The following SHC1 variants were observed in gnomAD, a reference collection of about 807,000 sequenced individuals.
The protein encoded by SHC1 is SHC adaptor protein 1.
Under a neutral mutation model 55.9 loss-of-function variants are expected in SHC1, and 30 were observed. That is an observed-to-expected ratio of 0.54 (90% CI 0.40 to 0.73). The LOEUF (loss-of-function observed/expected upper bound fraction) is 0.73, where lower values mean the gene tolerates loss of function less well. Among genes scored for constraint, SHC1 ranks in the 30% least tolerant of loss-of-function variants. The pLI, the probability that SHC1 is intolerant of heterozygous loss-of-function variation, is 0.00. For missense variants in SHC1, 675 were observed against 777.1 expected (o/e 0.87, Z 1.56); for synonymous variants, 309 against 306.1 (o/e 1.01, Z -0.10).
chr1:154,964,257 T>C (rs1268059360), intron 11 of SHC1: 1 of 483,100 alleles, frequency 2.1e-6, no homozygotes, highest in African/African-American at 2.0e-5. Context: ...ATGTGGAGGC[T>C]GGGCATGGTG....
At chr1:154,965,258 A>G in intron 11 of SHC1, 1 of 788,704 alleles carries the variant, frequency 1.3e-6, no homozygotes, top group Non-Finnish European at 1.8e-6. Flanking sequence ...GCTGGTCTCG[A>G]ACTCCTGACC....
chr1:154,971,955 A>G (rs1571458757), upstream of SHC1, among the ~76,000 whole-genome samples: 1 of 151,712 alleles, frequency 6.6e-6, no homozygotes, highest in Non-Finnish European at 1.5e-5. Flanking sequence ...AAAAACAAAG[A>G]TACGTATTCC....
upstream of SHC1, chr1:154,973,511 TA>T (rs56300199): frequency 0.59 from 57,015 of 96,136 alleles, 16,501 homozygotes; most frequent in East Asian, 0.9. Context: ...AACTCCGTCT[TA>T]AAAAAAAAAA....
At chr1:154,965,922 G>A (rs2102054875) in intron 10 of SHC1, 24 bp downstream of exon 10, 1 of 1,598,738 alleles carries the variant, frequency 6.3e-7, no homozygotes, top group Non-Finnish European at 8.5e-7. Context: ...TGGGGATGCA[G>A]AGAGGAGAGA....
chr1:154,969,076 C>T (rs987225135), intron 2 of SHC1, among the ~76,000 whole-genome samples: 1 of 152,134 alleles, frequency 6.6e-6, no homozygotes, highest in African/African-American at 2.4e-5. Flanking sequence ...CCAAATGTCC[C>T]ATTCCCTTCC....
upstream of SHC1, among the ~76,000 whole-genome samples, chr1:154,972,266 TC>T (rs140450851): frequency 0.013 from 1,999 of 151,336 alleles, 21 homozygotes; most frequent in South Asian, 0.019. Flanking sequence ...AAATACGTAT[TC>T]CCCCCAGCTC....
At position 154,970,034 on chromosome 1, in the gene SHC1, G is replaced by C; in HGVS notation, c.493C>G (p.Arg165Gly). 1.9e-6 allele frequency: 3 copies of C among 1,613,822 alleles called. No homozygotes were observed. Among genetic ancestry groups the C allele is most frequent in the Non-Finnish European group, 2.5e-6 (3 of 1,179,922 alleles). ...VMGPGVSYLV[R>G]YMGCVEVLQS... ...TGGAGAGGAGGATGTTCACTCACCC[G>C]AACCAAGTAGGAAACCCCGGGTCCC... The change falls in exon 1 of 12, where the codon CGG becomes GGG. Residue 165 changes from arginine (R) to glycine (G), a missense_variant and splice_region_variant. Transcript: ENST00000448116. This position sits in a 1 kb window ranked among gnomAD's most constrained non-coding sequence, Gnocchi z 5.5.
upstream of SHC1, among the ~76,000 whole-genome samples, chr1:154,971,407 A>G (rs2102176892): frequency 6.6e-6 from 1 of 152,330 alleles, no homozygotes; most frequent in South Asian, 2.1e-4. Context: ...CCTGGATGAT[A>G]CATCAGGAAG....
intron 1 of SHC1, among the ~76,000 whole-genome samples, chr1:154,969,682 C>T (rs113003727): frequency 3.1e-4 from 47 of 152,188 alleles, no homozygotes; most frequent in African/African-American, 1.1e-3. Flanking sequence ...TGGAGGGGAC[C>T]GACAGGCATT....
intron 11 of SHC1, 108 bp downstream of exon 11, chr1:154,965,435 T>G: frequency 6.2e-7 from 1 of 1,612,746 alleles, no homozygotes; most frequent in Non-Finnish European, 8.5e-7. Flanking sequence ...CATAGACAGC[T>G]GCCCAGCGGG....
At chr1:154,973,259 C>T (rs1168002176), upstream of SHC1, 1 of 152,140 alleles carries the variant, frequency 6.6e-6, no homozygotes, top group East Asian at 1.9e-4. Flanking sequence ...GCCTGTAATC[C>T]TAACACTTAA....
At chr1:154,964,506 C>T (rs78559250) in intron 11 of SHC1, 4 of 354,982 alleles carry the variant, frequency 1.1e-5, no homozygotes, top group East Asian at 7.4e-5. Flanking sequence ...TTTTTGTTTC[C>T]AGACAGGGTC....
chr1:154,965,221 G>A (rs575125807), intron 11 of SHC1: 1 of 451,630 alleles, frequency 2.2e-6, no homozygotes, highest in South Asian at 2.2e-5. Context: ...ATTTTTAGTA[G>A]AGACAGGGTT....
Position 154,963,575 on chromosome 1 carries a change from C to G in SHC1, c.*228G>C. The G allele has an allele frequency of 6.1e-6, 3 of 489,040 alleles. No individual in the cohort carries two copies. Among genetic ancestry groups the G allele is most frequent in the Non-Finnish European group, 1.1e-5 (3 of 269,316 alleles). 30.3% of individuals were successfully genotyped at this position (489,040 alleles called of 1,614,324 possible). On this transcript the variant is annotated 3_prime_UTR_variant, in exon 12 of 12. Coordinates refer to ENST00000448116, the MANE Select transcript of SHC1 (RefSeq NM_001130040.2). ...GGAAAGGCCCAGGTGAGGGGCCACTCTGTACATTAATACTTTGGTGATTAA... is the reference window on the plus strand; with the variant it reads ...GGAAAGGCCCAGGTGAGGGGCCACTGTGTACATTAATACTTTGGTGATTAA...
At chr1:154,966,294 G>C (rs1166898379) in intron 8 of SHC1, 25 bp downstream of exon 8, 1 of 1,612,488 alleles carries the variant, frequency 6.2e-7, no homozygotes, top group Admixed American at 1.7e-5. Flanking sequence ...CCTAGCCCCA[G>C]CCCGCCTCCA....
rs774652626 is a variant in SHC1, at chr1:154,967,712, T to C, written c.942A>G (p.Gln314=). Residue 314 remains glutamine (Q), a synonymous_variant, in exon 7 of 12, where the codon CAA becomes CAG. Coordinates refer to ENST00000448116, the MANE Select transcript of SHC1 (RefSeq NM_001130040.2). ...CCAGTTTGGGTGGGTTCCTGAGGTA[T>C]TGTTTGAAGCGCAACTCGAAGGCCT... ...IGQAFELRFK[Q]YLRNPPKLVT... 4 of 1,613,880 alleles carry C rather than the reference T, an allele frequency of 2.5e-6. No individual in the cohort carries two copies. The highest frequency in any genetic ancestry group is 2.7e-5 in the African/African-American group (2 of 74,938).
In SHC1 at chr1:154,970,351, C is replaced by A. The variant is rs1168921812; in HGVS notation, c.176G>T (p.Cys59Phe). The A allele has an allele frequency of 6.2e-7, 1 of 1,606,640 alleles. No individual in the cohort carries two copies. Among genetic ancestry groups the A allele is most frequent in the Non-Finnish European group, 8.5e-7 (1 of 1,176,384 alleles). The stretch of plus-strand genomic sequence containing the variant: ...GTTGCTCATCCGGGGGAAGAAGGAG[C>A]ACAGGGTAGTGGGACTATCGTCCCC... ...LPGDDSPTTL[C>F]SFFPRMSNLR... Residue 59 changes from cysteine (C) to phenylalanine (F), a missense_variant, in exon 1 of 12, where the codon TGC becomes TTC. Transcript: ENST00000448116. This position sits in a 1 kb window ranked among gnomAD's most constrained non-coding sequence, Gnocchi z 5.5.
At chr1:154,973,168 C>G (rs1656907125), upstream of SHC1, 1 of 152,158 alleles carries the variant, frequency 6.6e-6, no homozygotes, top group African/African-American at 2.4e-5. Context: ...CGTGCCAAAC[C>G]CCACGTTCAG....
chr1:154,972,792 G>A (rs566792962), upstream of SHC1, among the ~76,000 whole-genome samples: 6 of 152,200 alleles, frequency 3.9e-5, no homozygotes, highest in East Asian at 1.9e-4. Context: ...AGGAAATGGC[G>A]AAAGCCTCAG....
Sources: gnomAD v4.1 joint callset for allele counts (sites outside exome capture counted in the v4.1 genomes callset) on GRCh38, gnomAD v4.1.1 for gene constraint, Gnocchi (gnomAD v3.1) non-coding constraint, MANE v1.5 for transcripts, NCBI Gene and HGNC (gene_info 2026-07-23, HGNC 2026-07-21) for gene names.